Variants in SLCO1B1 observed in about 807,000 individuals in gnomAD.
The protein encoded by SLCO1B1 is solute carrier organic anion transporter family member 1B1, also known as OATP-2.
A neutral mutation model predicts 70.1 loss-of-function variants in SLCO1B1; 81 were observed. The observed-to-expected ratio is 1.16, with a 90% confidence interval of 0.97 to 1.39. The LOEUF is 1.39. Ranked by LOEUF, SLCO1B1 falls within the 40% of genes most tolerant of loss-of-function variation. The pLI, the probability that SLCO1B1 is intolerant of heterozygous loss-of-function variation, is 0.00. For missense variants in SLCO1B1, 895 were observed against 799.6 expected, an observed-to-expected ratio of 1.12 and a Z score of -1.44; for synonymous variants, 283 against 271.5, an observed-to-expected ratio of 1.04 and a Z score of -0.42.
chr12:21,197,772 T>C (rs552200122), intron 8 of SLCO1B1, among the ~76,000 whole-genome samples: 9 of 152,144 alleles, frequency 5.9e-5, no homozygotes, highest in Non-Finnish European at 5.9e-5. Context: ...ATTATCTATC[T>C]ATCTATCTTA....
At chr12:21,199,007 C>A (rs554741489) in intron 8 of SLCO1B1, among the ~76,000 whole-genome samples, 1 of 151,982 alleles carries the variant, frequency 6.6e-6, no homozygotes, top group African/African-American at 2.4e-5. Flanking sequence ...ACTGGGGAGA[C>A]CTGTGGAGAG....
At chr12:21,171,514 T>C (rs550673347) in intron 2 of SLCO1B1, among the ~76,000 whole-genome samples, 2 of 152,304 alleles carry the variant, frequency 1.3e-5, no homozygotes, top group Admixed American at 6.5e-5. Context: ...AGGACTTCTT[T>C]AGCTACTTTG....
intron 9 of SLCO1B1, 64 bp downstream of exon 9, chr12:21,200,736 T>C: frequency 7.3e-7 from 1 of 1,373,374 alleles, no homozygotes; most frequent in Non-Finnish European, 1.0e-6. Context: ...GTATTCCAAG[T>C]GGTATTTTAT....
In SLCO1B1 at chr12:21,239,083, A is replaced by G. The variant is rs780911188; in HGVS notation, c.1970A>G (p.Asn657Ser). Residue 657 changes from asparagine to serine, a missense_variant, in exon 15 of 15, where the codon AAT becomes AGT. By Grantham distance (46) the Asn-to-Ser change is conservative. Coordinates refer to ENST00000256958, the MANE Select transcript of SLCO1B1 (RefSeq NM_006446.5). ...AAAAAATATCAAGAGAAAGATATCA[A>G]TGCATCAGAAAATGGAAGTGTCATG... The part of the protein sequence containing the change: ...MKKKYQEKDI[N>S]ASENGSVMDE... 42 of 1,600,540 alleles carry G rather than the reference A, an allele frequency of 2.6e-5. No individual in the cohort carries two copies. Among genetic ancestry groups the G allele is most frequent in the Non-Finnish European group, 3.3e-5 (39 of 1,168,284 alleles).
chr12:21,215,383 A>T (rs185928898), intron 11 of SLCO1B1, among the ~76,000 whole-genome samples: 1 of 152,340 alleles, frequency 6.6e-6, no homozygotes, highest in East Asian at 1.9e-4. Flanking sequence ...GAACTTTATC[A>T]TAAAAGGATG....
intron 2 of SLCO1B1, among the ~76,000 whole-genome samples, chr12:21,170,539 C>T (rs1408890501): frequency 6.6e-6 from 1 of 152,122 alleles, no homozygotes. Context: ...TTCTATGGCA[C>T]AAAGACTGCA....
At chr12:21,136,561 C>A (rs1355054294) in intron 1 of SLCO1B1, among the ~76,000 whole-genome samples, 2 of 152,190 alleles carry the variant, frequency 1.3e-5, no homozygotes, top group African/African-American at 4.8e-5. Context: ...AACTTCTCTT[C>A]TCACTTCATT....
intron 5 of SLCO1B1, 142 bp downstream of exon 5, chr12:21,177,039 G>A: frequency 1.5e-6 from 1 of 661,924 alleles, no homozygotes; most frequent in South Asian, 1.7e-5. Context: ...CATAATTATA[G>A]TGTTAATATA....
At chr12:21,187,322 A>G (rs373784000) in intron 7 of SLCO1B1, among the ~76,000 whole-genome samples, 3 of 152,274 alleles carry the variant, frequency 2.0e-5, no homozygotes, top group South Asian at 4.1e-4. Flanking sequence ...GGTCTGAACA[A>G]TTAGTACTCT....
chr12:21,226,927 G>T (rs555717694), intron 14 of SLCO1B1, among the ~76,000 whole-genome samples: 2 of 151,856 alleles, frequency 1.3e-5, no homozygotes, highest in African/African-American at 2.4e-5. Context: ...AAAAAATCAC[G>T]AATGGCTATT....
In SLCO1B1 at chr12:21,197,155, A is replaced by C; in HGVS notation, c.937A>C (p.Asn313His). The change falls in exon 8 of 15, where the codon AAT (asparagine) becomes CAT (histidine). Residue 313 changes from asparagine (N) to histidine (H), a missense_variant. Transcript: ENST00000256958. The part of the protein sequence containing the change: ...DEKDQTANLT[N>H]QGKNITKNVT... ...AAAGGATCAAACAGCTAATTTGACC[A>C]ATCAAGGAAAAAATATTACCAAAAA... The C allele has an allele frequency of 6.2e-7, 1 of 1,613,512 alleles. No homozygotes were observed. The highest frequency in any genetic ancestry group is 2.2e-5 in the East Asian group (1 of 44,824).
At chr12:21,139,604 A>T (rs541554795) in intron 1 of SLCO1B1, among the ~76,000 whole-genome samples, 28 of 152,224 alleles carry the variant, frequency 1.8e-4, no homozygotes, top group Non-Finnish European at 4.4e-5. Flanking sequence ...TATAGAGTCG[A>T]GTCTCATTAT....
chr12:21,183,987 A>C (rs931922083), intron 7 of SLCO1B1, among the ~76,000 whole-genome samples: 1 of 152,126 alleles, frequency 6.6e-6, no homozygotes, highest in Non-Finnish European at 1.5e-5. Context: ...CAAAGAGAGA[A>C]AAGAATCTCA....
chr12:21,162,609 A>G (rs1390586876), intron 2 of SLCO1B1, among the ~76,000 whole-genome samples: 1 of 152,178 alleles, frequency 6.6e-6, no homozygotes, highest in African/African-American at 2.4e-5. Context: ...ATGAAGTGAG[A>G]CGTAATAAGG....
intron 14 of SLCO1B1, among the ~76,000 whole-genome samples, chr12:21,230,345 TTGG>T (rs1396385876): frequency 1.4e-5 from 2 of 144,334 alleles, no homozygotes; most frequent in African/African-American, 5.4e-5. Context: ...TTTTTTTTTT[TTGG>T]AGACATAGTT....
At chr12:21,135,834 A>G (rs1940213001) in intron 1 of SLCO1B1, among the ~76,000 whole-genome samples, 1 of 152,162 alleles carries the variant, frequency 6.6e-6, no homozygotes, top group Non-Finnish European at 1.5e-5. Flanking sequence ...GCCCATTTAC[A>G]TTTAAAGTTA....
intron 11 of SLCO1B1, among the ~76,000 whole-genome samples, chr12:21,215,511 A>G (rs768433817): frequency 2.0e-5 from 3 of 152,192 alleles, no homozygotes; most frequent in Non-Finnish European, 4.4e-5. Flanking sequence ...CCATCCTTAC[A>G]TCTCAAAAAT....
At chr12:21,144,041 A>C (rs758038240) in intron 2 of SLCO1B1, among the ~76,000 whole-genome samples, 17 of 152,128 alleles carry the variant, frequency 1.1e-4, no homozygotes, top group South Asian at 8.3e-4. Context: ...CTTCTCCTCA[A>C]TTTTTGTACT....
chr12:21,181,223 G>C (rs183168920), intron 7 of SLCO1B1, among the ~76,000 whole-genome samples: 3 of 152,114 alleles, frequency 2.0e-5, no homozygotes, highest in African/African-American at 7.2e-5. Context: ...CAAAATTTTT[G>C]TGTAGAATTT....
Sources: gnomAD v4.1 joint callset for allele counts (sites outside exome capture counted in the v4.1 genomes callset) on GRCh38, gnomAD v4.1.1 for gene constraint, MANE v1.5 for transcripts, NCBI Gene and HGNC (gene_info 2026-07-23, HGNC 2026-07-21) for gene names.